The following LRRC37A2 variants were observed in gnomAD, a reference collection of about 807,000 sequenced individuals.
LRRC37A2 encodes leucine-rich repeat-containing protein 37A2.
A neutral mutation model predicts 68.8 loss-of-function variants in LRRC37A2; 9 were observed. That is an observed-to-expected ratio of 0.13 (90% CI 0.08 to 0.23). The LOEUF (loss-of-function observed/expected upper bound fraction) is 0.23. Ranked by LOEUF, LRRC37A2 falls within the 10% of genes least tolerant of loss-of-function variation. The probability of loss-of-function intolerance (pLI) is 1.00; values close to 1 mark genes in which losing one functional copy is unlikely to be tolerated. For synonymous variants in LRRC37A2, 63 were observed against 367.6 expected (o/e 0.17, Z 9.48); for missense variants, 168 against 950.4 (o/e 0.18, Z 10.82).
chr17:46,902,618 G>A, the LRRC37A2 span, among the ~76,000 whole-genome samples: 1 of 152,062 alleles, frequency 6.6e-6, no homozygotes, highest in Non-Finnish European at 1.5e-5. Context: ...CAGGCAGAGT[G>A]GGGGCTTGGG....
the LRRC37A2 span, among the ~76,000 whole-genome samples, chr17:46,657,332 C>T: frequency 6.6e-6 from 1 of 150,404 alleles, no homozygotes; most frequent in Admixed American, 6.6e-5. Flanking sequence ...TAAGCAGGTA[C>T]TCTGGAAGAG....
the LRRC37A2 span, among the ~76,000 whole-genome samples, chr17:46,980,705 C>T: frequency 1.4e-5 from 2 of 143,136 alleles, no homozygotes; most frequent in African/African-American, 2.5e-5. Context: ...TGGTGGCGGG[C>T]GCCTGTAGTC....
At chr17:46,830,882 A>C in the LRRC37A2 span, 1 of 397,654 alleles carries the variant, frequency 2.5e-6, no homozygotes, top group Non-Finnish European at 4.4e-6. Flanking sequence ...TCCTAATACG[A>C]CTTCAGCACC....
chr17:46,810,853 A>T, the LRRC37A2 span, among the ~76,000 whole-genome samples: 1 of 152,090 alleles, frequency 6.6e-6, no homozygotes, highest in Non-Finnish European at 1.5e-5. Context: ...GCCTAATATC[A>T]AGATGGTGGC....
the LRRC37A2 span, among the ~76,000 whole-genome samples, chr17:46,790,727 A>T: frequency 6.6e-6 from 1 of 152,184 alleles, no homozygotes; most frequent in Non-Finnish European, 1.5e-5. Context: ...GTTCACGGCC[A>T]CAGAAGCAAA....
chr17:46,671,932 G>A, the LRRC37A2 span, among the ~76,000 whole-genome samples: 1 of 144,224 alleles, frequency 6.9e-6, no homozygotes, highest in Non-Finnish European at 1.6e-5. Context: ...ATGAGAATAA[G>A]CACGGTCCAT....
chr17:46,771,387 C>T, the LRRC37A2 span, among the ~76,000 whole-genome samples: 2 of 151,648 alleles, frequency 1.3e-5, no homozygotes, highest in African/African-American at 4.8e-5. Flanking sequence ...GGGCCGAGGG[C>T]GGGTTCACAG....
chr17:46,818,862 G>A, the LRRC37A2 span: 4 of 544,492 alleles, frequency 7.3e-6, no homozygotes, highest in Non-Finnish European at 1.3e-5. Flanking sequence ...CCTCCCGCCC[G>A]GCCCACAACT....
the LRRC37A2 span, among the ~76,000 whole-genome samples, chr17:46,857,533 A>G: frequency 6.6e-6 from 1 of 152,122 alleles, no homozygotes; most frequent in Non-Finnish European, 1.5e-5. Flanking sequence ...ACTATTCCAA[A>G]TAAAGCTGGT....
chr17:46,947,359 C>T, the LRRC37A2 span, among the ~76,000 whole-genome samples: 1 of 152,152 alleles, frequency 6.6e-6, no homozygotes, highest in African/African-American at 2.4e-5. Context: ...CTGCTCCCTC[C>T]CCACCCTGCC....
At chr17:47,008,921 C>T in the LRRC37A2 span, among the ~76,000 whole-genome samples, 1 of 151,926 alleles carries the variant, frequency 6.6e-6, no homozygotes, top group Admixed American at 6.6e-5. Flanking sequence ...TATTTTAAAT[C>T]TTGACAATAA....
chr17:46,914,276 G>A, the LRRC37A2 span, among the ~76,000 whole-genome samples: 13 of 152,214 alleles, frequency 8.5e-5, no homozygotes, highest in African/African-American at 2.4e-4. Context: ...AAAATAATCC[G>A]AAAGTGCGCT....
the LRRC37A2 span, among the ~76,000 whole-genome samples, chr17:46,898,416 C>A: frequency 6.6e-6 from 1 of 152,198 alleles, no homozygotes; most frequent in Non-Finnish European, 1.5e-5. Flanking sequence ...TTTCCATTGC[C>A]AAGTTCAAGG....
chr17:46,595,861 C>CT, the LRRC37A2 span, among the ~76,000 whole-genome samples: 3 of 141,804 alleles, frequency 2.1e-5, 1 homozygote, highest in Admixed American at 2.2e-4. Context: ...TTCCCAGTCT[C>CT]TGTTATCTAT....
At chr17:46,855,982 C>G in the LRRC37A2 span, among the ~76,000 whole-genome samples, 1 of 152,218 alleles carries the variant, frequency 6.6e-6, no homozygotes, top group African/African-American at 2.4e-5. Context: ...TGCCACCATG[C>G]CCGGCCCCCA....
At chr17:46,811,390 C>G in the LRRC37A2 span, among the ~76,000 whole-genome samples, 2 of 152,160 alleles carry the variant, frequency 1.3e-5, no homozygotes, top group Non-Finnish European at 2.9e-5. Context: ...ATTGGGGTGA[C>G]TCTCTGAGAT....
At chr17:46,631,082 A>ACG in the LRRC37A2 span, among the ~76,000 whole-genome samples, 6 of 142,080 alleles carry the variant, frequency 4.2e-5, no homozygotes, top group East Asian at 8.8e-4. Flanking sequence ...ACACACACAC[A>ACG]CACACACACA....
At chr17:46,979,772 TA>T in the LRRC37A2 span, among the ~76,000 whole-genome samples, 1 of 130,534 alleles carries the variant, frequency 7.7e-6, no homozygotes, top group South Asian at 2.8e-4. Context: ...TTTTTTAAAT[TA>T]AAAAATAAAT....
chr17:46,810,004 CTT>C, the LRRC37A2 span, among the ~76,000 whole-genome samples: 13 of 126,348 alleles, frequency 1.0e-4, no homozygotes, highest in Non-Finnish European at 9.9e-5. Context: ...TTCTTTCTTT[CTT>C]TTTTTTTTTT....
Sources: allele counts gnomAD v4.1 joint callset (sites outside exome capture counted in the v4.1 genomes callset), GRCh38; gene constraint gnomAD v4.1.1; transcripts MANE v1.5; gene names NCBI Gene and HGNC (gene_info 2026-07-23, HGNC 2026-07-21).